Variants in SPC25 observed in about 807,000 individuals in gnomAD.
The protein encoded by SPC25 is kinetochore protein Spc25.
In SPC25, 22 loss-of-function variants were observed where a neutral mutation model predicts 29.6. That is an observed-to-expected ratio of 0.74 (90% CI 0.53 to 1.06). The LOEUF (loss-of-function observed/expected upper bound fraction) is 1.06. SPC25 is among the 50% of genes least tolerant of loss of function. The probability of loss-of-function intolerance (pLI) is 0.00; values close to 1 mark genes in which losing one functional copy is unlikely to be tolerated. For synonymous variants in SPC25, 91 were observed against 90.4 expected, an observed-to-expected ratio of 1.01 and a Z score of -0.04; for missense variants, 230 against 255.8, an observed-to-expected ratio of 0.90 and a Z score of 0.69.
Position 168,873,489 on chromosome 2 carries a change from G to A in SPC25, c.550+96C>T, listed in dbSNP as rs1471508470. ...CTGAAAAAGGAAGCAATAGAGTCTGGAGCTATTACTTTCCTCCATATTACT... is the reference window on the plus strand; with the variant it reads ...CTGAAAAAGGAAGCAATAGAGTCTGAAGCTATTACTTTCCTCCATATTACT... On this transcript the variant is annotated intron_variant, in intron 6 of 6. Coordinates refer to ENST00000282074, the MANE Select transcript of SPC25 (RefSeq NM_020675.4). 4.9e-6 allele frequency: 4 copies of A among 808,444 alleles called. No individual in the cohort carries two copies. The East Asian group carries it at 7.7e-5, about 16-fold the overall frequency. 50.1% of individuals were successfully genotyped at this position (808,444 alleles called of 1,614,324 possible).
intron 6 of SPC25, among the ~76,000 whole-genome samples, chr2:168,872,246 G>A (rs968008285): frequency 3.3e-5 from 5 of 152,184 alleles, no homozygotes; most frequent in Non-Finnish European, 5.9e-5. Context: ...GGGATTACAG[G>A]CGTAAGCCAC....
At chr2:168,885,673 C>A (rs1019911939) in intron 3 of SPC25, among the ~76,000 whole-genome samples, 1 of 152,192 alleles carries the variant, frequency 6.6e-6, no homozygotes, top group African/African-American at 2.4e-5. Flanking sequence ...TGTGCTGTTC[C>A]CTCTTCCCAG....
chr2:168,889,323 G>T, intron 2 of SPC25, 32 bp from the exon 3 acceptor site: 1 of 1,613,088 alleles, frequency 6.2e-7, no homozygotes, highest in South Asian at 1.1e-5. Flanking sequence ...CAATTCAGCT[G>T]CAATAACACT....
chr2:168,871,337 T>G lies in SPC25; in HGVS notation c.*94A>C. ...ACCTGCACATTGTGCACATGTACCCTAAAACTTAAAGTATAATAATAATAA... is the reference window on the plus strand; with the variant it reads ...ACCTGCACATTGTGCACATGTACCCGAAAACTTAAAGTATAATAATAATAA... On this transcript the variant is annotated 3_prime_UTR_variant, in exon 7 of 7. Coordinates refer to ENST00000282074, the MANE Select transcript of SPC25 (RefSeq NM_020675.4). 7.8e-7 allele frequency: 1 copy of G among 1,274,048 alleles called. No homozygotes were observed. The highest frequency in any genetic ancestry group is 1.1e-6 in the Non-Finnish European group (1 of 947,946). 78.9% of individuals were successfully genotyped at this position (1,274,048 alleles called of 1,614,324 possible).
intron 3 of SPC25, among the ~76,000 whole-genome samples, chr2:168,888,526 G>A (rs914774358): frequency 2.6e-5 from 4 of 152,102 alleles, no homozygotes; most frequent in Non-Finnish European, 5.9e-5. Flanking sequence ...CTGCACTCCA[G>A]CCTGGGCAAC....
downstream of SPC25, among the ~76,000 whole-genome samples, chr2:168,866,595 A>G (rs1574354527): frequency 6.6e-6 from 1 of 151,880 alleles, no homozygotes. Flanking sequence ...AAACACCAAA[A>G]GCAATGGCAA....
rs1294797305 is a variant in SPC25 at position 168,889,265 on chromosome 2, C to T, written c.160G>A (p.Glu54Lys). ...AGAAACATCTCAACCATTCGTTCTT[C>T]TTCCTTTAATTTCACAGACAGCTTT... ...AEKLSVKLKE[E>K]ERMVEMFLEY... Residue 54 changes from glutamate (E) to lysine (K), a missense_variant, in exon 3 of 7, where the codon GAA becomes AAA. By Grantham distance (56) the Glu-to-Lys change is moderately conservative (BLOSUM62 1). Transcript: ENST00000282074. The T allele has an allele frequency of 3.1e-6, 5 of 1,613,578 alleles. No individual in the cohort carries two copies. Among genetic ancestry groups the T allele is most frequent in the Non-Finnish European group, 4.2e-6 (5 of 1,179,940 alleles).
At chr2:168,863,560 A>G (rs1281503806) in intron 4 of SPC25, 4 of 985,190 alleles carry the variant, frequency 4.1e-6, no homozygotes, top group Non-Finnish European at 4.8e-6. Context: ...CTTTATTTGA[A>G]TCATTGCTTT....
At chr2:168,871,605 A>G (rs1483326447) in intron 6 of SPC25, 50 bp from the exon 7 acceptor site, 2 of 1,492,470 alleles carry the variant, frequency 1.3e-6, no homozygotes, top group Non-Finnish European at 1.8e-6. Context: ...GAGTTTTTTT[A>G]TGGCACAGAA....
chr2:168,867,444 T>C (rs546215196), downstream of SPC25, among the ~76,000 whole-genome samples: 1,043 of 152,250 alleles, frequency 6.9e-3, 5 homozygotes, highest in South Asian at 0.014. Context: ...GACTGGCAAA[T>C]TGGATAAAGA....
intron 4 of SPC25, chr2:168,864,751 G>A: frequency 6.6e-7 from 1 of 1,509,504 alleles, no homozygotes; most frequent in Non-Finnish European, 9.0e-7. Context: ...CCTTGAAGCA[G>A]AACCTCCTTA....
intron 5 of SPC25, among the ~76,000 whole-genome samples, chr2:168,874,231 T>G (rs1690047197): frequency 6.6e-6 from 1 of 152,076 alleles, no homozygotes. Flanking sequence ...AAAATAACAG[T>G]GTTGGTGAGG....
At chr2:168,873,104 A>G (rs1690023590) in intron 6 of SPC25, among the ~76,000 whole-genome samples, 1 of 152,234 alleles carries the variant, frequency 6.6e-6, no homozygotes, top group African/African-American at 2.4e-5. Flanking sequence ...CAGAATCAGT[A>G]ACTAACCTTT....
intron 3 of SPC25, among the ~76,000 whole-genome samples, 156 bp downstream of exon 3, chr2:168,889,070 C>CACATATATACATATAT (rs1559158797): frequency 3.2e-5 from 2 of 61,850 alleles, no homozygotes; most frequent in Non-Finnish European, 6.8e-5. Flanking sequence ...TATATATATA[C>CACATATATACATATAT]ACATATATAT....
At chr2:168,890,279 G>T (rs898118347) in intron 1 of SPC25, 39 bp downstream of exon 1, 2 of 944,190 alleles carry the variant, frequency 2.1e-6, no homozygotes, top group South Asian at 4.9e-5. Context: ...ATTGCGACAG[G>T]GGGGCCAAGG....
At chr2:168,872,694 T>C (rs938386706) in intron 6 of SPC25, among the ~76,000 whole-genome samples, 9 of 152,052 alleles carry the variant, frequency 5.9e-5, no homozygotes, top group African/African-American at 2.4e-5. Flanking sequence ...TTAGAGAAAA[T>C]TGAAAAGCTA....
intron 3 of SPC25, among the ~76,000 whole-genome samples, chr2:168,885,097 G>A (rs1346237345): frequency 6.6e-6 from 1 of 152,126 alleles, no homozygotes; most frequent in Admixed American, 6.5e-5. Context: ...ATCGCCACCT[G>A]AAGACTTGCT....
chr2:168,872,460 C>T (rs1012731958), intron 6 of SPC25, among the ~76,000 whole-genome samples: 3 of 152,014 alleles, frequency 2.0e-5, no homozygotes, highest in African/African-American at 7.3e-5. Context: ...GTAGTTGTAC[C>T]AGCTGGTACA....
Position 168,873,631 on chromosome 2 carries a change from G to T in SPC25, c.504C>A (p.Ser168Arg), listed in dbSNP as rs1357130074. The T allele has an allele frequency of 3.1e-6, 5 of 1,611,510 alleles. No homozygotes were observed. The Admixed American group carries it at 5.0e-5, about 16-fold the overall frequency. Residue 168 changes from serine to arginine, a missense_variant, in exon 6 of 7, where the codon AGC becomes AGA. Physicochemically the swap from Ser to Arg is moderately radical, Grantham distance 110. Transcript: ENST00000282074. Reference sequence around the variant, plus strand: ...TGAGATGTAAGGAAAACATAAATGGGCTCTCAGGATTCTTAGGGTCAATAT... The same window carrying T: ...TGAGATGTAAGGAAAACATAAATGGTCTCTCAGGATTCTTAGGGTCAATAT... ...FTNIDPKNPE[S>R]PFMFSLHLNE...
Sources: gnomAD v4.1 joint callset for allele counts (sites outside exome capture counted in the v4.1 genomes callset) on GRCh38, gnomAD v4.1.1 for gene constraint, MANE v1.5 for transcripts, NCBI Gene and HGNC (gene_info 2026-07-23, HGNC 2026-07-21) for gene names.